The following MACROD2 variants were observed in gnomAD, a reference collection of about 807,000 sequenced individuals.
MACROD2 encodes the protein ADP-ribose glycohydrolase MACROD2.
In MACROD2, 36 loss-of-function variants were observed where a neutral mutation model predicts 70.4. The observed-to-expected ratio is 0.51, with a 90% CI of 0.39 to 0.68. The LOEUF (loss-of-function observed/expected upper bound fraction) is 0.68, where lower values mean the gene tolerates loss of function less well. Among genes scored for constraint, MACROD2 ranks in the 30% least tolerant of loss-of-function variants. The pLI is 0.00. For missense variants in MACROD2, 496 were observed against 538.4 expected (o/e 0.92, Z 0.78); for synonymous variants, 172 against 178.8 (o/e 0.96, Z 0.30).
At chr20:15,386,508 T>C (rs2045714763) in intron 6 of MACROD2, among the ~76,000 whole-genome samples, 1 of 152,202 alleles carries the variant, frequency 6.6e-6, no homozygotes, top group East Asian at 1.9e-4. Flanking sequence ...ATGATTTCAA[T>C]GGAAGTCACT....
intron 5 of MACROD2, among the ~76,000 whole-genome samples, chr20:14,802,072 T>C (rs1310803097): frequency 6.6e-6 from 1 of 152,058 alleles, no homozygotes; most frequent in Non-Finnish European, 1.5e-5. Flanking sequence ...AACTTGAGTG[T>C]GGCTGGCAAG....
intron 15 of MACROD2, among the ~76,000 whole-genome samples, chr20:16,020,513 T>C (rs1018673200): frequency 6.6e-6 from 1 of 151,360 alleles, no homozygotes; most frequent in Non-Finnish European, 1.5e-5. Context: ...TTCTTATATA[T>C]AGTTGCTTCT....
intron 7 of MACROD2, among the ~76,000 whole-genome samples, chr20:15,489,864 G>C (rs1028221313): frequency 1.3e-5 from 2 of 152,094 alleles, no homozygotes; most frequent in African/African-American, 4.8e-5. Flanking sequence ...TCCCTTGCTT[G>C]AGTCTTCCAC....
intron 5 of MACROD2, among the ~76,000 whole-genome samples, chr20:15,147,548 G>A (rs1743476): frequency 0.59 from 89,210 of 151,292 alleles, 26,379 homozygotes; most frequent in East Asian, 0.65. Context: ...TCTCTATGTA[G>A]CTTCTTATCC....
At chr20:15,537,426 C>G (rs2047891286) in intron 8 of MACROD2, among the ~76,000 whole-genome samples, 1 of 151,212 alleles carries the variant, frequency 6.6e-6, no homozygotes, top group Non-Finnish European at 1.5e-5. Flanking sequence ...TGATTAGTCA[C>G]CAGGGATAGT....
intron 5 of MACROD2, among the ~76,000 whole-genome samples, chr20:14,796,308 G>A (rs903647043): frequency 2.6e-5 from 4 of 151,976 alleles, no homozygotes; most frequent in Admixed American, 6.6e-5. Context: ...TAGGGCATTC[G>A]CTGAAAATGA....
intron 4 of MACROD2, among the ~76,000 whole-genome samples, chr20:14,546,230 T>C (rs2085490430): frequency 6.6e-6 from 1 of 152,176 alleles, no homozygotes; most frequent in Non-Finnish European, 1.5e-5. Context: ...TATGAAGTAA[T>C]TGCTAGAACT....
At chr20:14,266,623 A>T (rs1385069125) in intron 3 of MACROD2, among the ~76,000 whole-genome samples, 1 of 152,138 alleles carries the variant, frequency 6.6e-6, no homozygotes, top group East Asian at 1.9e-4. Context: ...AAAAGAGTCA[A>T]TATTTTTTAT....
At chr20:14,950,673 C>G (rs2074468491) in intron 5 of MACROD2, among the ~76,000 whole-genome samples, 1 of 152,114 alleles carries the variant, frequency 6.6e-6, no homozygotes, top group African/African-American at 2.4e-5. Flanking sequence ...CAAGCTTATT[C>G]CTGGACTGCA....
At chr20:14,209,397 G>A (rs1163206869) in intron 3 of MACROD2, among the ~76,000 whole-genome samples, 5 of 151,986 alleles carry the variant, frequency 3.3e-5, no homozygotes, top group Non-Finnish European at 7.4e-5. Context: ...CAGGAGACAG[G>A]CAATTTTTTT....
intron 6 of MACROD2, among the ~76,000 whole-genome samples, chr20:15,361,214 C>T (rs2078347869): frequency 6.6e-6 from 1 of 152,088 alleles, no homozygotes; most frequent in South Asian, 2.1e-4. Context: ...AATCTACAAT[C>T]TATTTGAGTT....
intron 8 of MACROD2, among the ~76,000 whole-genome samples, chr20:15,603,155 G>T (rs903372644): frequency 6.6e-6 from 1 of 151,990 alleles, no homozygotes; most frequent in Non-Finnish European, 1.5e-5. Context: ...TTTAGACTTT[G>T]AAACACTCAT....
intron 13 of MACROD2, among the ~76,000 whole-genome samples, chr20:15,981,775 TG>T (rs1448450394): frequency 2.0e-5 from 3 of 152,152 alleles, no homozygotes; most frequent in African/African-American, 4.8e-5. Flanking sequence ...TGATACATAT[TG>T]TTTTTTTAAT....
chr20:15,029,376 A>G (rs1364103391), intron 5 of MACROD2, among the ~76,000 whole-genome samples: 1 of 152,208 alleles, frequency 6.6e-6, no homozygotes, highest in African/African-American at 2.4e-5. Context: ...TTTTCCTAGA[A>G]GAGTGGTTTT....
chr20:15,623,714 A>ATCTG (rs1555850056), intron 8 of MACROD2, among the ~76,000 whole-genome samples: 1 of 151,798 alleles, frequency 6.6e-6, no homozygotes, highest in Non-Finnish European at 1.5e-5. Context: ...CTATCTATCT[A>ATCTG]TCTATCGATG....
At chr20:15,575,151 T>C (rs2048428642) in intron 8 of MACROD2, among the ~76,000 whole-genome samples, 1 of 152,182 alleles carries the variant, frequency 6.6e-6, no homozygotes, top group African/African-American at 2.4e-5. Flanking sequence ...CATTTCGTTT[T>C]AATAGAAAAG....
At chr20:14,281,843 G>A (rs928781155) in intron 3 of MACROD2, among the ~76,000 whole-genome samples, 3 of 148,242 alleles carry the variant, frequency 2.0e-5, no homozygotes, top group African/African-American at 7.4e-5. Flanking sequence ...GCTGAGGCAG[G>A]AGAATTGCTT....
chr20:15,894,326 G>C (rs990210120), intron 10 of MACROD2, among the ~76,000 whole-genome samples: 3 of 152,168 alleles, frequency 2.0e-5, no homozygotes, highest in Admixed American at 6.5e-5. Context: ...CTAACATGAT[G>C]AGGCCAGAGC....
chr20:14,872,171 A>T (rs1437440682), intron 5 of MACROD2, among the ~76,000 whole-genome samples: 5 of 152,144 alleles, frequency 3.3e-5, no homozygotes, highest in South Asian at 2.1e-4. Flanking sequence ...AATGAACCTG[A>T]TAGACATCTA....
Sources: gnomAD v4.1 joint callset for allele counts (sites outside exome capture counted in the v4.1 genomes callset) on GRCh38, gnomAD v4.1.1 for gene constraint, MANE v1.5 for transcripts, NCBI Gene and HGNC (gene_info 2026-07-23, HGNC 2026-07-21) for gene names.